ADARB1: variants seen among roughly 807,000 people sequenced by gnomAD.
The protein encoded by ADARB1 is double-stranded RNA-specific editase 1.
ADARB1 carries 10 observed loss-of-function variants against 52.4 expected under a neutral mutation model. The ratio of observed to expected loss-of-function variants is 0.19; its 90% CI spans 0.12 to 0.32. ADARB1 has a LOEUF of 0.32. Among genes scored for constraint, ADARB1 ranks in the 10% least tolerant of loss-of-function variants. The pLI is 1.00. For missense variants in ADARB1, 643 were observed against 922.3 expected, an observed-to-expected ratio of 0.70 and a Z score of 3.92; for synonymous variants, 349 against 371.1, an observed-to-expected ratio of 0.94 and a Z score of 0.68.
rs2092633859 is a variant in ADARB1 at position 45,204,792 on chromosome 21, C to T, written c.1747+56C>T. ...CTCTGTCTTGATTTTGCAATGTTTTCATCCTCATGAATGAAAAAAACACCA... is the reference window on the plus strand; with the variant it reads ...CTCTGTCTTGATTTTGCAATGTTTTTATCCTCATGAATGAAAAAAACACCA... On this transcript the variant is annotated intron_variant, in intron 9 of 10. Transcript: ENST00000348831. This position sits in a 1 kb window ranked among gnomAD's most constrained non-coding sequence, Gnocchi z 4.4. 4.5e-6 allele frequency: 7 copies of T among 1,570,806 alleles called. No homozygotes were observed. Among genetic ancestry groups the T allele is most frequent in the Non-Finnish European group, 5.2e-6 (6 of 1,150,380 alleles).
At chr21:45,078,632 G>T (rs1431352694) in intron 1 of ADARB1, among the ~76,000 whole-genome samples, 1 of 152,224 alleles carries the variant, frequency 6.6e-6, no homozygotes, top group African/African-American at 2.4e-5. Flanking sequence ...GGCCATTGCT[G>T]CCAGAGAGGC....
chr21:45,083,439 A>G (rs1453691535), intron 1 of ADARB1, among the ~76,000 whole-genome samples: 1 of 152,248 alleles, frequency 6.6e-6, no homozygotes, highest in Non-Finnish European at 1.5e-5. Flanking sequence ...TTATAAAACC[A>G]TAAAGTTTGA....
rs2089798664 is a variant in ADARB1, at chr21:45,142,817, G to A, written c.-48+14244G>A. On this transcript the variant is annotated intron_variant, in intron 2 of 10. Coordinates refer to ENST00000348831, the MANE Select transcript of ADARB1 (RefSeq NM_001112.4). This position sits in a 1 kb window ranked among gnomAD's most constrained non-coding sequence, Gnocchi z 4.0. Reference sequence around the variant, plus strand: ...CAGGGGGATCTGAGGGGCCCAGAAGGTAAGAAATTGCCTACGGCCCTTGGC... The same window carrying A: ...CAGGGGGATCTGAGGGGCCCAGAAGATAAGAAATTGCCTACGGCCCTTGGC... Among the ~76,000 whole-genome samples the A allele has an allele frequency of 6.6e-6, 1 of 152,148 alleles. No homozygotes were observed.
At chr21:45,075,564 A>G (rs1373823477) in intron 1 of ADARB1, among the ~76,000 whole-genome samples, 1 of 152,236 alleles carries the variant, frequency 6.6e-6, no homozygotes, top group Non-Finnish European at 1.5e-5. Context: ...ATCGGGAGCA[A>G]TCTGGGGCAG....
chr21:45,094,844 TGAAG>T (rs1247119747), intron 1 of ADARB1, among the ~76,000 whole-genome samples: 2 of 152,216 alleles, frequency 1.3e-5, no homozygotes, highest in South Asian at 4.1e-4. Flanking sequence ...ATAACTGTGA[TGAAG>T]GAAGACCAAT....
chr21:45,144,534 T>C, intron 2 of ADARB1: 1 of 366,152 alleles, frequency 2.7e-6, no homozygotes, highest in Non-Finnish European at 5.4e-6. Context: ...ATAGAAACCA[T>C]ACCTGATACA....
rs1208082238 is a variant in ADARB1, at chr21:45,204,066, G to C, written c.1566-489G>C. ...CTAATGGGCCAGCGGCATCTGCAAC[G>C]TGGATGGTTCACATCCCGGGCTGGA... On this transcript the variant is annotated intron_variant, in intron 8 of 10. Coordinates refer to ENST00000348831, the MANE Select transcript of ADARB1 (RefSeq NM_001112.4). The surrounding 1 kb of genome is among the most constrained non-coding windows in gnomAD (Gnocchi z 4.4). Among the ~76,000 whole-genome samples the C allele has an allele frequency of 6.6e-6, 1 of 152,180 alleles. No individual in the cohort carries two copies. Among genetic ancestry groups the C allele is most frequent in the Non-Finnish European group, 1.5e-5 (1 of 68,040 alleles).
At chr21:45,090,731 G>A (rs370698892) in intron 1 of ADARB1, among the ~76,000 whole-genome samples, 5 of 152,194 alleles carry the variant, frequency 3.3e-5, no homozygotes, top group African/African-American at 9.6e-5. Context: ...GGAGGACCCC[G>A]GTTCTGACCT....
chr21:45,106,792 T>C (rs145829363), intron 1 of ADARB1, among the ~76,000 whole-genome samples: 5 of 152,298 alleles, frequency 3.3e-5, no homozygotes, highest in African/African-American at 1.2e-4. Context: ...GTGTCAGTTG[T>C]ATCTCCCCAA....
chr21:45,161,469 C>T (rs1039614143), intron 2 of ADARB1, among the ~76,000 whole-genome samples: 2 of 152,238 alleles, frequency 1.3e-5, no homozygotes, highest in Non-Finnish European at 2.9e-5. Context: ...TGTGTTTGCT[C>T]AGGGCAGTGC....
chr21:45,156,503 GCACC>G (rs1235014026), intron 2 of ADARB1, among the ~76,000 whole-genome samples: 21 of 12,532 alleles, frequency 1.7e-3, no homozygotes, highest in Non-Finnish European at 2.8e-3. Flanking sequence ...ATCCACCCAC[GCACC>G]CACCCACCCA....
rs140830100 is a variant in ADARB1 at position 45,208,625 on chromosome 21, CGTGT to C, written c.1747+3901_1747+3904del. Among the ~76,000 whole-genome samples the C allele has an allele frequency of 7.4e-5, 11 of 149,302 alleles. No individual in the cohort carries two copies. The highest frequency in any genetic ancestry group is 2.1e-4 in the South Asian group (1 of 4,678). On this transcript the variant is annotated intron_variant, in intron 9 of 10. Coordinates refer to ENST00000348831, the MANE Select transcript of ADARB1 (RefSeq NM_001112.4). The surrounding 1 kb of genome is among the most constrained non-coding windows in gnomAD (Gnocchi z 5.6). ...TGGAAAGTGTGTGTGTGTATGTGTG[CGTGT>C]GTGTGTGTGTGAGTGCATGTGAGTG...
rs758364274 is a variant in ADARB1 at position 45,220,792 on chromosome 21, G to A, written c.1748-44G>A. On this transcript the variant is annotated intron_variant, in intron 9 of 10. Coordinates refer to ENST00000348831, the MANE Select transcript of ADARB1 (RefSeq NM_001112.4). This position sits in a 1 kb window ranked among gnomAD's most constrained non-coding sequence, Gnocchi z 6.3. ...GCCCGTGGCTGCTCCCTCCCTGGGG[G>A]TGAAAGCGGGCTTCACACCACCTTC... The A allele has an allele frequency of 1.3e-6, 2 of 1,598,430 alleles. No homozygotes were observed. Among genetic ancestry groups the A allele is most frequent in the African/African-American group, 1.3e-5 (1 of 74,756 alleles).
chr21:45,210,952 C>T (rs967214573), intron 9 of ADARB1, among the ~76,000 whole-genome samples: 2 of 152,246 alleles, frequency 1.3e-5, no homozygotes, highest in East Asian at 3.8e-4. Context: ...CACTCAGGAC[C>T]ACAGCTCTGA....
At chr21:45,097,593 G>T (rs919524978) in intron 1 of ADARB1, among the ~76,000 whole-genome samples, 1 of 151,086 alleles carries the variant, frequency 6.6e-6, no homozygotes, top group African/African-American at 2.4e-5. Flanking sequence ...GGCTGGTGGG[G>T]ACTTCAGACA....
At chr21:45,167,164 C>G (rs534103196) in intron 2 of ADARB1, among the ~76,000 whole-genome samples, 1 of 152,322 alleles carries the variant, frequency 6.6e-6, no homozygotes, top group Admixed American at 6.5e-5. Context: ...CAGGTACTCA[C>G]CTGCCACCAC....
chr21:45,085,589 T>C (rs1601257176), intron 1 of ADARB1, among the ~76,000 whole-genome samples: 1 of 152,338 alleles, frequency 6.6e-6, no homozygotes, highest in Non-Finnish European at 1.5e-5. Context: ...GTCCTTTACA[T>C]ACTATGTATG....
chr21:45,124,944 G>A lies in ADARB1; in HGVS notation c.-219-3458G>A, dbSNP rs142707116. On this transcript the variant is annotated intron_variant, in intron 1 of 10. Transcript: ENST00000348831. ...CTCCGAAGTAGCTGGGATGACAGGC[G>A]TGTGTTACTACGCCTGGCTAATTTT... is the stretch of plus-strand genomic sequence containing the variant. 1.9e-4 allele frequency among the ~76,000 whole-genome samples: 29 copies of A among 151,928 alleles called. No homozygotes were observed. In the East Asian group the frequency reaches 4.7e-3, roughly 25 times the overall value.
At chr21:45,182,790 T>C (rs2091974353) in intron 6 of ADARB1, 37 bp downstream of exon 6, 1 of 1,511,358 alleles carries the variant, frequency 6.6e-7, no homozygotes. Context: ...GGAAGCTCTT[T>C]TTAAAAAATA....
Sources: allele counts gnomAD v4.1 joint callset (sites outside exome capture counted in the v4.1 genomes callset), GRCh38; gene constraint gnomAD v4.1.1; non-coding constraint Gnocchi (gnomAD v3.1); transcripts MANE v1.5; gene names NCBI Gene and HGNC (gene_info 2026-07-23, HGNC 2026-07-21).